SLC25A27: variants seen among roughly 807,000 people sequenced by gnomAD.
The protein encoded by SLC25A27 is solute carrier family 25 member 27.
Under a neutral mutation model 49.1 loss-of-function variants are expected in SLC25A27, and 35 were observed. That is an observed-to-expected ratio of 0.71 (90% confidence interval 0.54 to 0.95). The LOEUF (loss-of-function observed/expected upper bound fraction) is 0.95, where lower values mean the gene tolerates loss of function less well. Ranked by LOEUF, SLC25A27 falls within the 40% of genes least tolerant of loss-of-function variation. SLC25A27 has a pLI of 0.00. For missense variants in SLC25A27, 339 were observed against 397.1 expected (o/e 0.85, Z 1.24); for synonymous variants, 144 against 136.9 (o/e 1.05, Z -0.36).
chr6:46,654,777 A>G (rs1463359399), intron 1 of SLC25A27, among the ~76,000 whole-genome samples: 1 of 152,218 alleles, frequency 6.6e-6, no homozygotes, highest in Non-Finnish European at 1.5e-5. Flanking sequence ...CTTCTGTTCT[A>G]GGGAAACTGT....
At chr6:46,671,334 C>T in intron 8 of SLC25A27, 106 bp downstream of exon 8, 1 of 566,598 alleles carries the variant, frequency 1.8e-6, no homozygotes, top group East Asian at 3.5e-5. Context: ...GGCCCTGCCC[C>T]CCAAATCAAG....
intron 2 of SLC25A27, among the ~76,000 whole-genome samples, chr6:46,657,989 T>C (rs1158809073): frequency 6.6e-6 from 1 of 152,194 alleles, no homozygotes; most frequent in Non-Finnish European, 1.5e-5. Context: ...CTTGATTTTA[T>C]AGCTTGTGTA....
At chr6:46,655,784 G>T (rs530411801) in intron 1 of SLC25A27, 59 bp from the exon 2 acceptor site, 13 of 1,462,960 alleles carry the variant, frequency 8.9e-6, no homozygotes, top group Non-Finnish European at 1.0e-5. Context: ...TATGATTTTA[G>T]ATTTTTGTTT....
chr6:46,670,287 A>AAAATGCAG, intron 7 of SLC25A27, 60 bp downstream of exon 7: 1 of 1,060,230 alleles, frequency 9.4e-7, no homozygotes, highest in Non-Finnish European at 1.4e-6. Flanking sequence ...TTGTGTTTTA[A>AAAATGCAG]AGATGCATCT....
chr6:46,669,102 T>A (rs929714332), intron 6 of SLC25A27, among the ~76,000 whole-genome samples: 54 of 152,168 alleles, frequency 3.5e-4, no homozygotes, highest in African/African-American at 1.3e-3. Context: ...GCCTTTTATG[T>A]TAAAGGCACT....
At chr6:46,662,942 C>T (rs1763208773) in intron 4 of SLC25A27, among the ~76,000 whole-genome samples, 1 of 152,186 alleles carries the variant, frequency 6.6e-6, no homozygotes, top group Non-Finnish European at 1.5e-5. Flanking sequence ...GTGTGAAAAA[C>T]CTTGCTTTCA....
chr6:46,659,915 A>G (rs1427165779), intron 3 of SLC25A27, among the ~76,000 whole-genome samples: 1 of 150,906 alleles, frequency 6.6e-6, no homozygotes, highest in East Asian at 1.9e-4. Flanking sequence ...ATATAAAATT[A>G]TATAACCTCT....
chr6:46,664,975 A>G (rs1314800720), intron 5 of SLC25A27, 89 bp downstream of exon 5: 3 of 578,994 alleles, frequency 5.2e-6, no homozygotes, highest in African/African-American at 1.9e-5. Flanking sequence ...TTTATGTTTT[A>G]TTTTTAATAT....
At chr6:46,655,531 GTTTGTTTTTTTTTTTTTTTTTT>G (rs1562033621) in intron 1 of SLC25A27, among the ~76,000 whole-genome samples, 1 of 98,548 alleles carries the variant, frequency 1.0e-5, no homozygotes, top group African/African-American at 3.7e-5. Flanking sequence ...TATTGTTAAT[GTTTGTTTTTTTTTTTTTTTTTT>G]TTTTTTTTTT....
intron 2 of SLC25A27, chr6:46,658,542 C>T (rs1486170984): frequency 3.0e-5 from 13 of 439,794 alleles, no homozygotes; most frequent in Non-Finnish European, 4.0e-5. Context: ...TGTACTAGGG[C>T]ATCTGGGGTA....
intron 1 of SLC25A27, chr6:46,653,520 G>T (rs1762845803): frequency 1.0e-6 from 1 of 985,318 alleles, no homozygotes; most frequent in Admixed American, 6.1e-5. Context: ...CTTCCCTTAG[G>T]CATGTGCTGT....
intron 1 of SLC25A27, 119 bp from the exon 2 acceptor site, chr6:46,655,724 T>C (rs1762956464): frequency 2.5e-6 from 2 of 812,552 alleles, no homozygotes; most frequent in Non-Finnish European, 3.9e-6. Flanking sequence ...TAGCTGATTC[T>C]GATATATTCT....
intron 8 of SLC25A27, 48 bp from the exon 9 acceptor site, chr6:46,676,331 CTATT>C (rs1255000615): frequency 3.9e-6 from 6 of 1,531,972 alleles, no homozygotes; most frequent in Non-Finnish European, 4.5e-6. Context: ...CATATGTAGA[CTATT>C]TATAATTGCT....
At chr6:46,654,063 A>C in intron 1 of SLC25A27, 2 of 972,314 alleles carry the variant, frequency 2.1e-6, no homozygotes, top group Non-Finnish European at 2.4e-6. Context: ...TGAGTAAGAA[A>C]AAACTTTAAG....
At position 46,653,139 on chromosome 6, in the gene SLC25A27, G is replaced by A. The variant is rs961697584; in HGVS notation, c.-54G>A. The A allele has an allele frequency of 1.3e-6, 2 of 1,538,080 alleles. No individual in the cohort carries two copies. The highest frequency in any genetic ancestry group is 1.8e-6 in the Non-Finnish European group (2 of 1,120,546). ...CTGGCAGGGAAGCGGCCGCCGCGGC[G>A]CGGTGCAGCGCAGCGGCGAGAAGGA... On this transcript the variant is annotated 5_prime_UTR_variant, in exon 1 of 9. Coordinates refer to ENST00000371347, the MANE Select transcript of SLC25A27 (RefSeq NM_004277.5).
intron 7 of SLC25A27, 107 bp from the exon 8 acceptor site, chr6:46,671,019 C>A: frequency 2.6e-6 from 2 of 764,546 alleles, no homozygotes; most frequent in South Asian, 1.7e-5. Context: ...CGTAAGCCAC[C>A]GCGCCCGGCC....
chr6:46,670,850 G>T (rs1206501774), intron 7 of SLC25A27, among the ~76,000 whole-genome samples: 1 of 152,004 alleles, frequency 6.6e-6, no homozygotes, highest in Non-Finnish European at 1.5e-5. Flanking sequence ...CCATCCTCCT[G>T]CCTCAGCCTT....
Position 46,658,961 on chromosome 6 carries a change from G to A in SLC25A27, c.299-1G>A. Reference sequence around the variant, plus strand: ...CCTTTTTAATGATCTTTTTTACCCAGTGTATTCTGGAGGTCGAATGGTCAC... The same window carrying A: ...CCTTTTTAATGATCTTTTTTACCCAATGTATTCTGGAGGTCGAATGGTCAC... On this transcript the variant is annotated splice_acceptor_variant, in intron 2 of 8. Transcript: ENST00000371347. LOFTEE classifies it high-confidence loss of function. 6.2e-7 allele frequency: 1 copy of A among 1,609,418 alleles called. No homozygotes were observed. The highest frequency in any genetic ancestry group is 8.5e-7 in the Non-Finnish European group (1 of 1,175,774).
At chr6:46,662,716 C>T (rs1390384528) in intron 4 of SLC25A27, among the ~76,000 whole-genome samples, 1 of 152,130 alleles carries the variant, frequency 6.6e-6, no homozygotes, top group Non-Finnish European at 1.5e-5. Context: ...GTGTAATGTT[C>T]TTTGCTGCTT....
Sources: allele counts gnomAD v4.1 joint callset (sites outside exome capture counted in the v4.1 genomes callset), GRCh38; gene constraint gnomAD v4.1.1; transcripts MANE v1.5; gene names NCBI Gene and HGNC (gene_info 2026-07-23, HGNC 2026-07-21).